The following EPB41L4A variants were observed in gnomAD, a reference collection of about 807,000 sequenced individuals.
EPB41L4A encodes band 4.1-like protein 4A.
A neutral mutation model predicts 108.6 loss-of-function variants in EPB41L4A; 100 were observed. That is an observed-to-expected ratio of 0.92 (90% CI 0.78 to 1.09). The LOEUF is 1.09. Ranked by LOEUF, EPB41L4A falls within the 50% of genes least tolerant of loss-of-function variation. The probability of loss-of-function intolerance (pLI) is 0.00; values close to 1 mark genes in which losing one functional copy is unlikely to be tolerated. For synonymous variants in EPB41L4A, 319 were observed against 289.0 expected, an observed-to-expected ratio of 1.10 and a Z score of -1.05; for missense variants, 1,030 against 842.7, an observed-to-expected ratio of 1.22 and a Z score of -2.75.
intron 4 of EPB41L4A, among the ~76,000 whole-genome samples, chr5:112,273,878 G>A (rs1330025989): frequency 6.6e-6 from 1 of 151,998 alleles, no homozygotes; most frequent in East Asian, 1.9e-4. Context: ...CATCCTAATG[G>A]CCCTTTACCC....
At chr5:112,278,701 T>G (rs1752765468) in intron 3 of EPB41L4A, among the ~76,000 whole-genome samples, 1 of 152,064 alleles carries the variant, frequency 6.6e-6, no homozygotes, top group Non-Finnish European at 1.5e-5. Context: ...TAATTAACAT[T>G]TTTTCATCAC....
downstream of EPB41L4A, chr5:112,162,057 G>C (rs998891148): frequency 6.6e-6 from 1 of 152,212 alleles, no homozygotes; most frequent in African/African-American, 2.4e-5. Context: ...TTTTTTAAAA[G>C]CTTGTGAAAT....
chr5:112,209,821 C>T (rs1233615275), intron 13 of EPB41L4A, 71 bp downstream of exon 13: 8 of 878,802 alleles, frequency 9.1e-6, no homozygotes, highest in Admixed American at 4.4e-5. Context: ...AGATTTTTAA[C>T]CTTGTCTACA....
chr5:112,386,319 T>A (rs969926862), intron 1 of EPB41L4A, among the ~76,000 whole-genome samples: 7 of 152,234 alleles, frequency 4.6e-5, no homozygotes, highest in African/African-American at 1.7e-4. Context: ...TCCTGTCTAA[T>A]GCTAAATCAT....
rs147482963 is a variant in EPB41L4A, at chr5:112,380,647, T to C, written c.99+38294A>G. 2.6e-5 allele frequency among the ~76,000 whole-genome samples: 4 copies of C among 152,248 alleles called. No homozygotes were observed. The East Asian group carries it at 7.7e-4, about 29-fold the overall frequency. On this transcript the variant is annotated intron_variant, in intron 1 of 22. Coordinates refer to ENST00000261486, the MANE Select transcript of EPB41L4A (RefSeq NM_022140.5). ...ACAGAAAAACTAAGTTTTTAATGTA[T>C]ACTCTTCCAAGCTTTCAAGAACAGT...
intron 12 of EPB41L4A, among the ~76,000 whole-genome samples, chr5:112,216,822 T>C (rs1232427894): frequency 6.6e-6 from 1 of 152,202 alleles, no homozygotes; most frequent in African/African-American, 2.4e-5. Context: ...CAAAGTGACT[T>C]TGCCTTAATT....
intron 12 of EPB41L4A, among the ~76,000 whole-genome samples, chr5:112,146,593 T>C (rs1759267390): frequency 6.6e-6 from 1 of 152,204 alleles, no homozygotes; most frequent in South Asian, 2.1e-4. Flanking sequence ...CATAAAAATA[T>C]AAAAAATTTA....
intron 12 of EPB41L4A, among the ~76,000 whole-genome samples, chr5:112,211,847 G>C (rs1413373423): frequency 6.6e-6 from 1 of 152,142 alleles, no homozygotes. Flanking sequence ...ATTTGACATG[G>C]GATTCCATAT....
chr5:112,307,318 T>C (rs765807474), intron 2 of EPB41L4A, 68 bp downstream of exon 2: 19 of 1,018,098 alleles, frequency 1.9e-5, no homozygotes, highest in African/African-American at 3.2e-5. Context: ...TAAAACCATA[T>C]CAGGAAAAGC....
chr5:112,215,221 C>A (rs906812476), intron 12 of EPB41L4A, among the ~76,000 whole-genome samples: 1 of 152,166 alleles, frequency 6.6e-6, no homozygotes, highest in Non-Finnish European at 1.5e-5. Flanking sequence ...AAAGGACATG[C>A]GGCAATATAC....
chr5:112,287,211 T>A (rs1278704637), intron 2 of EPB41L4A, among the ~76,000 whole-genome samples: 1 of 152,182 alleles, frequency 6.6e-6, no homozygotes, highest in Non-Finnish European at 1.5e-5. Flanking sequence ...CATCTCCACT[T>A]AGATGCCTGT....
chr5:112,262,085 T>C (rs958248946), intron 7 of EPB41L4A, among the ~76,000 whole-genome samples: 3 of 152,106 alleles, frequency 2.0e-5, no homozygotes, highest in African/African-American at 7.2e-5. Flanking sequence ...AGAGTCAGGG[T>C]TTCGCCATGT....
chr5:112,215,545 G>C (rs1449746954), intron 12 of EPB41L4A, among the ~76,000 whole-genome samples: 2 of 152,200 alleles, frequency 1.3e-5, no homozygotes, highest in Admixed American at 6.5e-5. Flanking sequence ...GGCGGATCAT[G>C]AGGTCAGGAG....
chr5:112,295,789 T>C (rs1050305484), intron 2 of EPB41L4A, among the ~76,000 whole-genome samples: 2 of 152,190 alleles, frequency 1.3e-5, no homozygotes, highest in Admixed American at 6.5e-5. Context: ...TAAAATCAGA[T>C]ACATTGTACC....
intron 12 of EPB41L4A, among the ~76,000 whole-genome samples, chr5:112,156,343 G>A (rs1759646473): frequency 6.6e-6 from 1 of 152,156 alleles, no homozygotes; most frequent in Admixed American, 6.5e-5. Context: ...CTAAGATGCT[G>A]TCTCTAAGCT....
chr5:112,392,496 C>A (rs1157363959), intron 1 of EPB41L4A, among the ~76,000 whole-genome samples: 1 of 151,170 alleles, frequency 6.6e-6, no homozygotes, highest in Non-Finnish European at 1.5e-5. Flanking sequence ...ACACAGAAGG[C>A]CATTACATAA....
intron 2 of EPB41L4A, among the ~76,000 whole-genome samples, chr5:112,284,511 T>G (rs1189040098): frequency 6.6e-6 from 1 of 152,078 alleles, no homozygotes; most frequent in African/African-American, 2.4e-5. Context: ...GGATAATCAC[T>G]CAAACACTTT....
At chr5:112,364,336 TC>T (rs1400327118) in intron 1 of EPB41L4A, among the ~76,000 whole-genome samples, 7 of 152,224 alleles carry the variant, frequency 4.6e-5, no homozygotes, top group African/African-American at 1.7e-4. Flanking sequence ...GCCAATATTT[TC>T]ATGCAAATAT....
intron 1 of EPB41L4A, among the ~76,000 whole-genome samples, chr5:112,392,254 G>A (rs1158118254): frequency 6.6e-6 from 1 of 151,938 alleles, no homozygotes; most frequent in Non-Finnish European, 1.5e-5. Context: ...TGAGCAAAAT[G>A]CCCCAATTAA....
Sources: gnomAD v4.1 joint callset for allele counts (sites outside exome capture counted in the v4.1 genomes callset) on GRCh38, gnomAD v4.1.1 for gene constraint, MANE v1.5 for transcripts, NCBI Gene and HGNC (gene_info 2026-07-23, HGNC 2026-07-21) for gene names.